The following FGD5 variants were observed in gnomAD, a reference collection of about 807,000 sequenced individuals.
The protein encoded by FGD5 is FYVE, RhoGEF and PH domain-containing protein 5.
A neutral mutation model predicts 133.4 loss-of-function variants in FGD5; 28 were observed. That is an observed-to-expected ratio of 0.21 (90% CI 0.16 to 0.29). FGD5 has a LOEUF of 0.29. Ranked by LOEUF, FGD5 falls within the 10% of genes least tolerant of loss-of-function variation. The pLI is 1.00. For missense variants in FGD5, 1,858 were observed against 1,895.2 expected (o/e 0.98, Z 0.36); for synonymous variants, 810 against 776.5 (o/e 1.04, Z -0.72).
intron 1 of FGD5, among the ~76,000 whole-genome samples, chr3:14,812,001 GGTGTGTGTGTGTGTGT>G: frequency 6.9e-6 from 1 of 145,664 alleles, no homozygotes; most frequent in Middle Eastern, 3.5e-3. Flanking sequence ...ATATCCTGCT[GGTGTGTGTGTGTGTGT>G]GTGTGTGTGT....
chr3:14,900,507 C>G, intron 8 of FGD5, 54 bp downstream of exon 8: 1 of 1,591,450 alleles, frequency 6.3e-7, no homozygotes, highest in South Asian at 1.1e-5. Context: ...TGCCTCCTTG[C>G]GCCAAAGCCT....
intron 1 of FGD5, among the ~76,000 whole-genome samples, chr3:14,828,496 G>C (rs557364799): frequency 2.6e-5 from 4 of 152,270 alleles, no homozygotes; most frequent in South Asian, 4.1e-4. Flanking sequence ...GGGTTGAAAG[G>C]CTTGAGGACT....
chr3:14,922,592 TG>T lies in FGD5; in HGVS notation c.3807+49del. 9.5e-7 allele frequency: 1 copy of T among 1,056,192 alleles called. No individual in the cohort carries two copies. Among genetic ancestry groups the T allele is most frequent in the Non-Finnish European group, 1.4e-6 (1 of 722,104 alleles). The allele number at this position is 1,056,192 out of a possible 1,614,324, so 65.4% of individuals were successfully genotyped here. A position where few individuals can be genotyped will look rare whatever the true frequency, so the allele number is the denominator to read the frequency against. ...GGTGAGTGTGTGCATGGGGGTGGGG[TG>T]GGGGAAGGGCATGTCCCTGCCCAGC... On this transcript the variant is annotated intron_variant, in intron 15 of 19. Transcript: ENST00000285046. This position sits in a 1 kb window ranked among gnomAD's most constrained non-coding sequence, Gnocchi z 4.1.
chr3:14,931,084 CTGA>C (rs1193075112), intron 18 of FGD5: 2 of 152,092 alleles, frequency 1.3e-5, no homozygotes, highest in African/African-American at 2.4e-5. Context: ...TTGAATTGAA[CTGA>C]TGAGAGTGAA....
chr3:14,891,202 G>A (rs949493676), intron 4 of FGD5, among the ~76,000 whole-genome samples: 1 of 152,118 alleles, frequency 6.6e-6, no homozygotes, highest in Non-Finnish European at 1.5e-5. Flanking sequence ...AAAGAGTTGG[G>A]AGTCCTCCTG....
chr3:14,913,338 CCTCT>C (rs1254973485), intron 11 of FGD5, among the ~76,000 whole-genome samples: 2 of 152,228 alleles, frequency 1.3e-5, no homozygotes, highest in Admixed American at 6.5e-5. Flanking sequence ...ACAGGTCCTC[CCTCT>C]CTATCTAGAG....
At chr3:14,908,250 T>C (rs2038376272) in intron 10 of FGD5, among the ~76,000 whole-genome samples, 1 of 152,200 alleles carries the variant, frequency 6.6e-6, no homozygotes, top group South Asian at 2.1e-4. Flanking sequence ...TTAGCAGGTG[T>C]CTCATGGGAC....
intron 2 of FGD5, among the ~76,000 whole-genome samples, chr3:14,875,762 G>A (rs1426607612): frequency 6.6e-6 from 1 of 152,168 alleles, no homozygotes; most frequent in African/African-American, 2.4e-5. Flanking sequence ...AGTGTGGAGT[G>A]TGGGTGAGGC....
chr3:14,887,073 T>C lies in FGD5; in HGVS notation c.2748+6301T>C, dbSNP rs572283296. Among the ~76,000 whole-genome samples, 5 of 152,352 alleles carry C rather than the reference T, an allele frequency of 3.3e-5. No homozygotes were observed. The South Asian group carries it at 8.3e-4, about 25-fold the overall frequency. On this transcript the variant is annotated intron_variant, in intron 4 of 19. Transcript: ENST00000285046. ...TCGAGCTGACGGATCCTGTTGAGTC[T>C]TCTGCATCCTCACTTTTTGTCTATT...
In FGD5 at chr3:14,907,753, C is replaced by T. The variant is rs368377934; in HGVS notation, c.3336+42C>T. ...TGGGTAGGGGCAGAGGGTGGCTGGG[C>T]GAGGCTCCGATAAGCCCCATTGTTC... On this transcript the variant is annotated intron_variant, in intron 10 of 19. Transcript: ENST00000285046. 230 of 1,596,716 alleles carry T rather than the reference C, an allele frequency of 1.4e-4. No homozygotes were observed. In the African/African-American group the frequency reaches 2.8e-3, roughly 19 times the overall value.
intron 9 of FGD5, among the ~76,000 whole-genome samples, chr3:14,901,898 G>A (rs1575244617): frequency 6.6e-6 from 1 of 152,190 alleles, no homozygotes; most frequent in Non-Finnish European, 1.5e-5. Flanking sequence ...AACTAAATAT[G>A]TGGATGCAAA....
At chr3:14,866,237 C>CG (rs1387195028) in intron 2 of FGD5, among the ~76,000 whole-genome samples, 5 of 152,080 alleles carry the variant, frequency 3.3e-5, no homozygotes, top group Admixed American at 3.3e-4. Flanking sequence ...ATAGTAACTG[C>CG]GGGGCTGTGG....
intron 2 of FGD5, among the ~76,000 whole-genome samples, chr3:14,872,477 A>G (rs1460181270): frequency 6.6e-6 from 1 of 152,188 alleles, no homozygotes; most frequent in Admixed American, 6.5e-5. Context: ...CAAAGCAGGT[A>G]CTCAAAGCAC....
chr3:14,826,519 A>T lies in FGD5; in HGVS notation c.2525+4923A>T, dbSNP rs140020424. On this transcript the variant is annotated intron_variant, in intron 1 of 19. Coordinates refer to ENST00000285046, the MANE Select transcript of FGD5 (RefSeq NM_152536.4). Reference sequence around the variant, plus strand: ...CTATGTGACCTAGAACAAGTTTCTGACCTCTCTGTACCTCAGTGTCCTTAT... The same window carrying T: ...CTATGTGACCTAGAACAAGTTTCTGTCCTCTCTGTACCTCAGTGTCCTTAT... 5.8e-3 allele frequency among the ~76,000 whole-genome samples: 876 copies of T among 152,208 alleles called. 2 individuals carry two copies. The highest frequency in any genetic ancestry group is 0.012 in the South Asian group (56 of 4,822).
upstream of FGD5, among the ~76,000 whole-genome samples, chr3:14,815,796 A>T (rs2036359513): frequency 6.6e-6 from 1 of 152,148 alleles, no homozygotes. Context: ...CAAAAAGGGG[A>T]TGGCAGAGGG....
intron 2 of FGD5, among the ~76,000 whole-genome samples, chr3:14,871,523 C>G (rs1176839815): frequency 6.6e-6 from 1 of 152,216 alleles, no homozygotes; most frequent in Non-Finnish European, 1.5e-5. Context: ...CCCCCATAGC[C>G]ATGCAGAGAG....
chr3:14,927,417 G>A (rs369670335), intron 18 of FGD5, among the ~76,000 whole-genome samples: 6 of 152,148 alleles, frequency 3.9e-5, no homozygotes, highest in Non-Finnish European at 5.9e-5. Flanking sequence ...CCAGGAGTTC[G>A]AGACCAGCCG....
At chr3:14,835,465 A>C (rs2036799157) in intron 1 of FGD5, among the ~76,000 whole-genome samples, 1 of 151,836 alleles carries the variant, frequency 6.6e-6, no homozygotes, top group African/African-American at 2.4e-5. Flanking sequence ...ACGCCACTGC[A>C]CTCCAGCCCG....
At chr3:14,908,135 A>G (rs1018056590) in intron 10 of FGD5, among the ~76,000 whole-genome samples, 2 of 152,212 alleles carry the variant, frequency 1.3e-5, no homozygotes, top group Non-Finnish European at 2.9e-5. Flanking sequence ...GGAAAATGTA[A>G]AACTCAGCTT....
Sources: allele counts gnomAD v4.1 joint callset (sites outside exome capture counted in the v4.1 genomes callset), GRCh38; gene constraint gnomAD v4.1.1; non-coding constraint Gnocchi (gnomAD v3.1); transcripts MANE v1.5; gene names NCBI Gene and HGNC (gene_info 2026-07-23, HGNC 2026-07-21).